PFKFB1: variants seen among roughly 807,000 people sequenced by gnomAD.
PFKFB1 encodes 6-phosphofructo-2-kinase/fructose-2,6-bisphosphatase 1.
A neutral mutation model predicts 46.4 loss-of-function variants in PFKFB1; 34 were observed. That is an observed-to-expected ratio of 0.73 (90% CI 0.56 to 0.98). The LOEUF (loss-of-function observed/expected upper bound fraction) is 0.98. Ranked by LOEUF, PFKFB1 falls within the 50% of genes least tolerant of loss-of-function variation. The probability of loss-of-function intolerance (pLI) is 0.00; values close to 1 mark genes in which losing one functional copy is unlikely to be tolerated. For synonymous variants in PFKFB1, 119 were observed against 133.8 expected, an observed-to-expected ratio of 0.89 and a Z score of 0.76; for missense variants, 393 against 376.3, an observed-to-expected ratio of 1.04 and a Z score of -0.37.
intron 10 of PFKFB1, among the ~76,000 whole-genome samples, chrX:54,941,086 T>C (rs1282229886): frequency 1.8e-5 from 2 of 111,612 alleles, no homozygotes; most frequent in African/African-American, 6.5e-5. Context: ...GAAATAATGC[T>C]GCATATCTAC....
intron 10 of PFKFB1, among the ~76,000 whole-genome samples, chrX:54,943,647 A>G (rs1036728722): frequency 1.8e-5 from 2 of 110,875 alleles, no homozygotes; most frequent in African/African-American, 6.6e-5. Flanking sequence ...GCTACTCGGG[A>G]GGCTGAGGCA....
chrX:54,965,857 T>A (rs1056069616), intron 1 of PFKFB1, among the ~76,000 whole-genome samples: 5 of 110,871 alleles, frequency 4.5e-5, no homozygotes, highest in Non-Finnish European at 7.6e-5. Context: ...CCAAATTATA[T>A]AAAAATGTAC....
intron 1 of PFKFB1, among the ~76,000 whole-genome samples, chrX:54,973,391 T>C (rs1433874172): frequency 9.0e-6 from 1 of 111,405 alleles, no homozygotes; most frequent in South Asian, 3.8e-4. Flanking sequence ...AGCTTTTGAA[T>C]GTGTTTGCTC....
chrX:54,988,486 T>C (rs1935161218), intron 1 of PFKFB1, among the ~76,000 whole-genome samples: 1 of 111,730 alleles, frequency 9.0e-6, no homozygotes, highest in Non-Finnish European at 1.9e-5. Flanking sequence ...GGTCTTAAAA[T>C]TTATATGGAA....
At chrX:54,964,225 T>C (rs1219480208) in intron 1 of PFKFB1, among the ~76,000 whole-genome samples, 3 of 110,195 alleles carry the variant, frequency 2.7e-5, no homozygotes, top group Non-Finnish European at 5.7e-5. Flanking sequence ...GCAGGAACAC[T>C]TGTGAAGGTC....
chrX:54,933,722 CCCAGGCTTGGTGGGGT>C, intron 13 of PFKFB1, 83 bp downstream of exon 13: 3 of 737,695 alleles, frequency 4.1e-6, no homozygotes, highest in Non-Finnish European at 4.2e-6. Flanking sequence ...GTGCAAAACA[CCCAGGCTTGGTGGGGT>C]TGGGGCAGCC....
intron 1 of PFKFB1, among the ~76,000 whole-genome samples, chrX:54,977,582 G>A (rs765983961): frequency 4.1e-4 from 46 of 111,094 alleles, no homozygotes; most frequent in African/African-American, 1.4e-3. Context: ...TATTTTTAAC[G>A]TATATATAAA....
intron 6 of PFKFB1, 92 bp from the exon 7 acceptor site, chrX:54,956,366 T>C: frequency 9.7e-7 from 1 of 1,031,468 alleles, no homozygotes. Flanking sequence ...GAGTACAAGA[T>C]GCCTCATTAT....
At chrX:54,961,696 C>T (rs925044260) in intron 2 of PFKFB1, among the ~76,000 whole-genome samples, 3 of 111,582 alleles carry the variant, frequency 2.7e-5, no homozygotes, top group African/African-American at 9.8e-5. Flanking sequence ...AGAGCTCCCA[C>T]AGAGTTTGTT....
intron 1 of PFKFB1, among the ~76,000 whole-genome samples, chrX:54,978,974 T>C (rs1267354268): frequency 9.0e-6 from 1 of 111,697 alleles, no homozygotes; most frequent in Admixed American, 9.5e-5. Context: ...CTGGATTGGA[T>C]CCTGGAACAT....
At chrX:54,968,443 C>A (rs1346780443) in intron 1 of PFKFB1, among the ~76,000 whole-genome samples, 1 of 108,395 alleles carries the variant, frequency 9.2e-6, no homozygotes, top group African/African-American at 3.4e-5. Flanking sequence ...GCACATTGTG[C>A]ACATGTACCC....
At chrX:54,956,335 G>A in intron 6 of PFKFB1, 61 bp from the exon 7 acceptor site, 1 of 1,184,666 alleles carries the variant, frequency 8.4e-7, no homozygotes, top group Non-Finnish European at 1.1e-6. Context: ...GTTTTCTTTG[G>A]AAGTTCCCTT....
Position 54,960,872 on chromosome X carries a change from T to A in PFKFB1, c.269A>T (p.Asn90Ile), listed in dbSNP as rs1240581187. ...QYRREAVSYK[N>I]YEFFLPDNME... ...GTTGTCTGGAAGAAAGAATTCATAG[T>A]TCTTGTAGCTCACTGCCTCTCGTCG... Residue 90 changes from asparagine to isoleucine, a missense_variant, in exon 3 of 14, where the codon AAC (asparagine) becomes ATC (isoleucine). Transcript: ENST00000375006. The A allele has an allele frequency of 5.0e-6, 6 of 1,194,234 alleles. No individual in the cohort carries two copies. The highest frequency in any genetic ancestry group is 5.7e-6 in the Non-Finnish European group (5 of 882,153).
intron 10 of PFKFB1, among the ~76,000 whole-genome samples, chrX:54,939,875 C>G (rs769665417): frequency 8.9e-6 from 1 of 111,981 alleles, no homozygotes; most frequent in African/African-American, 3.3e-5. Flanking sequence ...AAGAGGGAAT[C>G]CTTCTTAACT....
At chrX:54,998,269 A>C, upstream of PFKFB1, 1 of 511,987 alleles carries the variant, frequency 2.0e-6, no homozygotes, top group Non-Finnish European at 3.3e-6. Flanking sequence ...TATAGATATA[A>C]TCTTTTCCCC....
intron 10 of PFKFB1, among the ~76,000 whole-genome samples, chrX:54,943,108 A>T (rs1279767014): frequency 2.7e-5 from 3 of 111,986 alleles, no homozygotes; most frequent in Non-Finnish European, 5.6e-5. Flanking sequence ...TCCAGACTTG[A>T]AGAAGAATCC....
chrX:54,976,563 T>A (rs1045998956), intron 1 of PFKFB1, among the ~76,000 whole-genome samples: 4 of 111,920 alleles, frequency 3.6e-5, no homozygotes, highest in Non-Finnish European at 7.5e-5. Flanking sequence ...GGTTCAGGCA[T>A]TTTGGAAAAC....
In PFKFB1 at chrX:54,956,885, T is replaced by G. The variant is rs139017189; in HGVS notation, c.517-611A>C. ...CCTCTAAATATCCATTCTTTCTTGC[T>G]TGTGCTCACTATAGCTTTGTGCCCA... On this transcript the variant is annotated intron_variant, in intron 6 of 13. Transcript: ENST00000375006. Among the ~76,000 whole-genome samples the G allele has an allele frequency of 6.1e-3, 679 of 111,634 alleles. 3 individuals carry two copies. Among genetic ancestry groups the G allele is most frequent in the Non-Finnish European group, 9.1e-3 (484 of 53,083 alleles).
At chrX:54,939,952 A>G (rs1933558210) in intron 10 of PFKFB1, among the ~76,000 whole-genome samples, 1 of 112,179 alleles carries the variant, frequency 8.9e-6, no homozygotes, top group Non-Finnish European at 1.9e-5. Flanking sequence ...GGAGAATTTT[A>G]GACCAATATC....
Sources: allele counts gnomAD v4.1 joint callset (sites outside exome capture counted in the v4.1 genomes callset), GRCh38; gene constraint gnomAD v4.1.1; transcripts MANE v1.5; gene names NCBI Gene and HGNC (gene_info 2026-07-23, HGNC 2026-07-21).